Variants in PRKN observed in about 807,000 individuals in gnomAD.
PRKN encodes E3 ubiquitin-protein ligase parkin.
PRKN carries 56 observed loss-of-function variants against 59.5 expected under a neutral mutation model. The observed-to-expected ratio is 0.94, with a 90% CI of 0.76 to 1.18. The LOEUF (loss-of-function observed/expected upper bound fraction) is 1.18, where lower values mean the gene tolerates loss of function less well. PRKN is among the 50% of genes most tolerant of loss of function. PRKN has a pLI of 0.00. For synonymous variants in PRKN, 250 were observed against 222.1 expected (o/e 1.13, Z -1.12); for missense variants, 657 against 596.4 (o/e 1.10, Z -1.06).
chr6:162,103,145 T>C (rs1780048914), intron 4 of PRKN, among the ~76,000 whole-genome samples: 1 of 151,974 alleles, frequency 6.6e-6, no homozygotes, highest in African/African-American at 2.4e-5. Flanking sequence ...GAGGGTTTTA[T>C]AAGTGAGTTC....
intron 9 of PRKN, among the ~76,000 whole-genome samples, chr6:161,535,735 A>G (rs2115395799): frequency 6.6e-6 from 1 of 152,214 alleles, no homozygotes; most frequent in African/African-American, 2.4e-5. Flanking sequence ...CTGGTTGAAA[A>G]GTGGACCTGG....
At position 161,502,143 on chromosome 6, in the gene PRKN, T is replaced by C. The variant is rs1005008911; in HGVS notation, c.1083+46711A>G. ...GAAGCAACTCTGAAATGCATTATCC[T>C]GATCATCATTGTTGCTAATCATGTC... On this transcript the variant is annotated intron_variant, in intron 9 of 11. Coordinates refer to ENST00000366898, the MANE Select transcript of PRKN (RefSeq NM_004562.3). The surrounding 1 kb of genome is among the most constrained non-coding windows in gnomAD (Gnocchi z 4.0). 2.0e-5 allele frequency among the ~76,000 whole-genome samples: 3 copies of C among 152,220 alleles called. No individual in the cohort carries two copies. Among genetic ancestry groups the C allele is most frequent in the Non-Finnish European group, 4.4e-5 (3 of 68,040 alleles).
intron 1 of PRKN, among the ~76,000 whole-genome samples, chr6:162,544,420 GTTAT>G (rs1240569694): frequency 2.0e-5 from 3 of 152,204 alleles, no homozygotes; most frequent in African/African-American, 7.2e-5. Context: ...GGATGTTTAT[GTTAT>G]TTAAGTGACA....
chr6:161,444,710 G>A lies in PRKN; in HGVS notation c.1084-57833C>T, dbSNP rs1789405812. Among the ~76,000 whole-genome samples the A allele has an allele frequency of 1.3e-5, 2 of 152,224 alleles. No individual in the cohort carries two copies. The highest frequency in any genetic ancestry group is 4.1e-4 in the South Asian group (2 of 4,834). Reference sequence around the variant, plus strand: ...GAGCTTTGCACGAGCGCTACCGCGTGGCGGTGGAAACATTTGTTCCCCTTG... The same window carrying A: ...GAGCTTTGCACGAGCGCTACCGCGTAGCGGTGGAAACATTTGTTCCCCTTG... On this transcript the variant is annotated intron_variant, in intron 9 of 11. Coordinates refer to ENST00000366898, the MANE Select transcript of PRKN (RefSeq NM_004562.3). This position sits in a 1 kb window ranked among gnomAD's most constrained non-coding sequence, Gnocchi z 5.6.
intron 5 of PRKN, among the ~76,000 whole-genome samples, chr6:162,016,131 T>G (rs1782924348): frequency 7.4e-6 from 1 of 135,310 alleles, no homozygotes; most frequent in East Asian, 2.2e-4. Flanking sequence ...AAGGTGGGAC[T>G]AATTCTTGTT....
intron 1 of PRKN, among the ~76,000 whole-genome samples, chr6:162,625,678 T>C (rs886074263): frequency 6.6e-6 from 1 of 152,056 alleles, no homozygotes; most frequent in African/African-American, 2.4e-5. Context: ...TTTATGTATG[T>C]GTGTGTATCA....
chr6:162,255,749 T>G (rs1779616314), intron 3 of PRKN, among the ~76,000 whole-genome samples: 1 of 152,150 alleles, frequency 6.6e-6, no homozygotes, highest in Non-Finnish European at 1.5e-5. Context: ...GTACCATGAA[T>G]GCGCTCAAGG....
intron 1 of PRKN, among the ~76,000 whole-genome samples, chr6:162,567,873 G>C (rs186335330): frequency 2.0e-5 from 3 of 152,210 alleles, no homozygotes; most frequent in Admixed American, 2.0e-4. Flanking sequence ...TTATACTACA[G>C]AGCTATTGTA....
rs1483809252 is a variant in PRKN, at chr6:162,019,423, C to A, written c.618+34668G>T. Among the ~76,000 whole-genome samples, 3 of 152,146 alleles carry A rather than the reference C, an allele frequency of 2.0e-5. No individual in the cohort carries two copies. In the South Asian group the frequency reaches 6.2e-4, roughly 31 times the overall value. ...TCCAACTCTGGCATGCCTCGGTGCA[C>A]CCTCAAGCTCAGAGATGGATTGAAA... is the stretch of plus-strand genomic sequence containing the variant. On this transcript the variant is annotated intron_variant, in intron 5 of 11. Coordinates refer to ENST00000366898, the MANE Select transcript of PRKN (RefSeq NM_004562.3).
chr6:161,558,318 T>C (rs1381685615), intron 8 of PRKN, among the ~76,000 whole-genome samples: 1 of 152,050 alleles, frequency 6.6e-6, no homozygotes, highest in African/African-American at 2.4e-5. Context: ...TCCAAGCACT[T>C]TGGGAGGCTG....
At chr6:161,510,189 C>A (rs1778333880) in intron 9 of PRKN, among the ~76,000 whole-genome samples, 1 of 152,212 alleles carries the variant, frequency 6.6e-6, no homozygotes, top group Admixed American at 6.5e-5. Context: ...AGGCTCTTTA[C>A]TCTCTAATGA....
chr6:162,572,948 T>C (rs1322343601), intron 1 of PRKN, among the ~76,000 whole-genome samples: 1 of 152,182 alleles, frequency 6.6e-6, no homozygotes, highest in African/African-American at 2.4e-5. Flanking sequence ...CCCCCTGTCA[T>C]TAATAAAGCT....
chr6:162,351,215 CA>C (rs1784611121), intron 2 of PRKN, among the ~76,000 whole-genome samples: 1 of 151,862 alleles, frequency 6.6e-6, no homozygotes, highest in Admixed American at 6.6e-5. Context: ...AAAAATAAAA[CA>C]ACCCAATAAA....
chr6:161,521,975 A>G (rs1320247176), intron 9 of PRKN, among the ~76,000 whole-genome samples: 2 of 152,154 alleles, frequency 1.3e-5, no homozygotes, highest in African/African-American at 2.4e-5. Context: ...CAAACTGAGG[A>G]TCTTGAATTT....
chr6:162,265,923 A>G (rs962330959), intron 2 of PRKN, among the ~76,000 whole-genome samples: 2 of 151,996 alleles, frequency 1.3e-5, no homozygotes, highest in Non-Finnish European at 2.9e-5. Flanking sequence ...ACAGTCCTCT[A>G]TTTTCCATTC....
chr6:162,298,173 G>A (rs889430334), intron 2 of PRKN, among the ~76,000 whole-genome samples: 1 of 129,690 alleles, frequency 7.7e-6, no homozygotes, highest in African/African-American at 3.7e-5. Context: ...ACGGAGGGGA[G>A]AGAGAGAGAG....
intron 7 of PRKN, among the ~76,000 whole-genome samples, chr6:161,700,470 A>G (rs1357474480): frequency 1.3e-5 from 2 of 152,124 alleles, no homozygotes; most frequent in African/African-American, 4.8e-5. Flanking sequence ...ACTTACCAGT[A>G]TTCCTCCAGG....
At chr6:161,489,031 C>CT (rs1777448104) in intron 9 of PRKN, among the ~76,000 whole-genome samples, 1 of 152,080 alleles carries the variant, frequency 6.6e-6, no homozygotes, top group Non-Finnish European at 1.5e-5. Context: ...GAAAAGGGGG[C>CT]TAAGAGTTTT....
rs533800417 is a variant in PRKN at position 161,730,611 on chromosome 6, T to A, written c.871+55161A>T. 7.8e-4 allele frequency among the ~76,000 whole-genome samples: 113 copies of A among 144,778 alleles called. 1 individual carries two copies. The highest frequency in any genetic ancestry group is 1.3e-3 in the Non-Finnish European group (88 of 67,960). 95.0% of individuals were successfully genotyped at this position (144,778 alleles called of 152,430 possible). On this transcript the variant is annotated intron_variant, in intron 7 of 11. Transcript: ENST00000366898. ...GATGTGTTGCATTCTTTCTGATACA[T>A]CACATTCTGATGTGTTGCATTCTTT...
Sources: gnomAD v4.1 joint callset for allele counts (sites outside exome capture counted in the v4.1 genomes callset) on GRCh38, gnomAD v4.1.1 for gene constraint, Gnocchi (gnomAD v3.1) non-coding constraint, MANE v1.5 for transcripts, NCBI Gene and HGNC (gene_info 2026-07-23, HGNC 2026-07-21) for gene names.